Variants in MCTP1 observed in about 807,000 individuals in gnomAD.
MCTP1 encodes the protein multiple C2 and transmembrane domain-containing protein 1.
MCTP1 carries 69 observed loss-of-function variants against 120.6 expected under a neutral mutation model. The ratio of observed to expected loss-of-function variants is 0.57; its 90% CI spans 0.47 to 0.70. The LOEUF (loss-of-function observed/expected upper bound fraction) is 0.70, where lower values mean the gene tolerates loss of function less well. MCTP1 is among the 30% of genes least tolerant of loss of function. The pLI is 0.00. For synonymous variants in MCTP1, 529 were observed against 493.1 expected (o/e 1.07, Z -0.96); for missense variants, 1,203 against 1,248.8 (o/e 0.96, Z 0.55).
chr5:95,114,092 A>G (rs1757646530), intron 1 of MCTP1, among the ~76,000 whole-genome samples: 2 of 152,164 alleles, frequency 1.3e-5, no homozygotes, highest in Non-Finnish European at 1.5e-5. Flanking sequence ...AAGATCATCA[A>G]CTGCTAAATA....
At chr5:94,946,365 A>G (rs914241799) in intron 3 of MCTP1, among the ~76,000 whole-genome samples, 4 of 152,122 alleles carry the variant, frequency 2.6e-5, no homozygotes, top group African/African-American at 9.7e-5. Flanking sequence ...TTGGCCAAAG[A>G]TATGGAAGTG....
At chr5:95,048,436 A>T (rs1027845845) in intron 1 of MCTP1, among the ~76,000 whole-genome samples, 4 of 152,170 alleles carry the variant, frequency 2.6e-5, no homozygotes. Context: ...GAGAATACAA[A>T]ATAATCATGA....
At chr5:94,952,231 A>G (rs1820823227) in intron 3 of MCTP1, among the ~76,000 whole-genome samples, 1 of 149,354 alleles carries the variant, frequency 6.7e-6, no homozygotes, top group Non-Finnish European at 1.5e-5. Context: ...TGTCCAATGG[A>G]GACAATTTAT....
chr5:95,104,434 T>C (rs2152377704), intron 1 of MCTP1, among the ~76,000 whole-genome samples: 1 of 152,346 alleles, frequency 6.6e-6, no homozygotes, highest in Admixed American at 6.5e-5. Context: ...AGTAAAAATC[T>C]GAAAAAGCAA....
intron 12 of MCTP1, among the ~76,000 whole-genome samples, chr5:94,884,233 T>C (rs2153370898): frequency 6.6e-6 from 1 of 152,326 alleles, no homozygotes; most frequent in South Asian, 2.1e-4. Context: ...ATTTGCTTCT[T>C]AGCTGATATT....
At chr5:94,809,015 A>G (rs1282846469) in intron 17 of MCTP1, among the ~76,000 whole-genome samples, 1 of 151,940 alleles carries the variant, frequency 6.6e-6, no homozygotes, top group East Asian at 1.9e-4. Context: ...ACATAGCTTG[A>G]CTCTATCTAT....
At chr5:95,268,056 T>C (rs910145395) in intron 1 of MCTP1, among the ~76,000 whole-genome samples, 11 of 152,374 alleles carry the variant, frequency 7.2e-5, no homozygotes, top group Middle Eastern at 3.4e-3. Flanking sequence ...TCTCTCAAGA[T>C]TGGGTTGGGA....
At chr5:95,274,724 T>C (rs545085022) in intron 1 of MCTP1, among the ~76,000 whole-genome samples, 7 of 152,016 alleles carry the variant, frequency 4.6e-5, no homozygotes, top group South Asian at 2.1e-4. Context: ...CCCGGGTTCA[T>C]GCCATTCTCC....
Position 95,032,981 on chromosome 5 carries a change from C to T in MCTP1, c.721-15497G>A, listed in dbSNP as rs1278323804. 2.0e-5 allele frequency among the ~76,000 whole-genome samples: 3 copies of T among 151,986 alleles called. No homozygotes were observed. The East Asian group carries it at 5.8e-4, about 29-fold the overall frequency. On this transcript the variant is annotated intron_variant, in intron 1 of 22. Coordinates refer to ENST00000515393, the MANE Select transcript of MCTP1 (RefSeq NM_024717.7). ...ACTATTATGAACATCTCCATGCACA[C>T]AAATTAGAAAATGCAGAGGAAACAG... is the stretch of plus-strand genomic sequence containing the variant.
chr5:95,039,878 CAAA>C lies in MCTP1; in HGVS notation c.721-22397_721-22395del, dbSNP rs57011733. On this transcript the variant is annotated intron_variant, in intron 1 of 22. Coordinates refer to ENST00000515393, the MANE Select transcript of MCTP1 (RefSeq NM_024717.7). ...TTATGAGTCTTCTCAGTACCGTTTG[CAAA>C]AAAAAAAAAAAAAAAAAAAAAGAAA... is the stretch of plus-strand genomic sequence containing the variant. Among the ~76,000 whole-genome samples, 603 of 77,678 alleles carry C rather than the reference CAAA, an allele frequency of 7.8e-3. 1 individual carries two copies. Among genetic ancestry groups the C allele is most frequent in the African/African-American group, 0.026 (516 of 19,476 alleles). 51.0% of individuals were successfully genotyped at this position (77,678 alleles called of 152,430 possible). A position where few individuals can be genotyped will look rare whatever the true frequency, so the allele number is the denominator to read the frequency against.
At chr5:95,000,148 G>A (rs1403986598) in intron 2 of MCTP1, among the ~76,000 whole-genome samples, 1 of 152,124 alleles carries the variant, frequency 6.6e-6, no homozygotes. Flanking sequence ...GTATCCTAAT[G>A]TCATAGTGCA....
rs1311026459 is a variant in MCTP1 at position 94,826,532 on chromosome 5, G to A, written c.2437-27400C>T. On this transcript the variant is annotated intron_variant, in intron 17 of 22. Transcript: ENST00000515393. ...ATCTGCCTATATTCCTTGTGATAGTGCTTCATTTTTTCATAGAAGCTTCCT... is the reference window on the plus strand; with the variant it reads ...ATCTGCCTATATTCCTTGTGATAGTACTTCATTTTTTCATAGAAGCTTCCT... 3.7e-5 allele frequency: 26 copies of A among 712,002 alleles called. No individual in the cohort carries two copies. The Middle Eastern group carries it at 1.7e-3, about 47-fold the overall frequency. 44.1% of individuals were successfully genotyped at this position (712,002 alleles called of 1,614,324 possible).
intron 1 of MCTP1, among the ~76,000 whole-genome samples, chr5:95,193,321 A>C (rs1750028288): frequency 6.6e-6 from 1 of 152,098 alleles, no homozygotes; most frequent in Non-Finnish European, 1.5e-5. Context: ...TGACTCCATA[A>C]GGTTATTTAT....
intron 19 of MCTP1, among the ~76,000 whole-genome samples, chr5:94,774,886 A>G (rs1336090948): frequency 1.3e-5 from 2 of 152,150 alleles, no homozygotes; most frequent in Non-Finnish European, 2.9e-5. Context: ...TAACTAGAAA[A>G]TGCCATTTTG....
chr5:94,881,259 CT>C (rs745454775), intron 12 of MCTP1, among the ~76,000 whole-genome samples: 57 of 152,252 alleles, frequency 3.7e-4, no homozygotes, highest in South Asian at 8.3e-4. Flanking sequence ...TCAACAACTC[CT>C]TGGTTCTGCC....
In MCTP1 at chr5:95,106,694, T is replaced by A. The variant is rs143424849; in HGVS notation, c.721-89210A>T. On this transcript the variant is annotated intron_variant, in intron 1 of 22. Transcript: ENST00000515393. ...CTGCACTAGGTTCTGGGGCTGCATG[T>A]ATGAATAAAGCATAGTTGCTGACCT... Among the ~76,000 whole-genome samples, 701 of 152,296 alleles carry A rather than the reference T, an allele frequency of 4.6e-3. 4 individuals are homozygous for A. Among genetic ancestry groups the A allele is most frequent in the Non-Finnish European group, 7.2e-3 (489 of 68,024 alleles).
intron 19 of MCTP1, among the ~76,000 whole-genome samples, chr5:94,740,428 T>C (rs532904310): frequency 7.2e-5 from 11 of 152,304 alleles, no homozygotes; most frequent in African/African-American, 2.4e-4. Context: ...GCATGCAGTA[T>C]TAAAGTCGAG....
At chr5:95,257,373 T>C (rs1223509637) in intron 1 of MCTP1, among the ~76,000 whole-genome samples, 10 of 152,184 alleles carry the variant, frequency 6.6e-5, no homozygotes, top group Admixed American at 6.5e-4. Flanking sequence ...AAAAAACCAC[T>C]TGCTATTTTT....
chr5:95,055,064 G>C (rs1387543329), intron 1 of MCTP1, among the ~76,000 whole-genome samples: 1 of 152,158 alleles, frequency 6.6e-6, no homozygotes, highest in African/African-American at 2.4e-5. Flanking sequence ...ACCTGCCTCA[G>C]CGGCTATAAT....
Sources: allele counts gnomAD v4.1 joint callset (sites outside exome capture counted in the v4.1 genomes callset), GRCh38; gene constraint gnomAD v4.1.1; transcripts MANE v1.5; gene names NCBI Gene and HGNC (gene_info 2026-07-23, HGNC 2026-07-21).